SLC25A24: variants seen among roughly 807,000 people sequenced by gnomAD.
SLC25A24 encodes mitochondrial adenyl nucleotide antiporter SLC25A24.
In SLC25A24, 49 loss-of-function variants were observed where a neutral mutation model predicts 60.7. The observed-to-expected ratio is 0.81, with a 90% CI of 0.64 to 1.02. SLC25A24 has a LOEUF of 1.02. Among genes scored for constraint, SLC25A24 ranks in the 50% least tolerant of loss-of-function variants. SLC25A24 has a pLI of 0.00. For missense variants in SLC25A24, 564 were observed against 586.3 expected (o/e 0.96, Z 0.39); for synonymous variants, 202 against 200.6 (o/e 1.01, Z -0.06).
chr1:108,159,464 G>GTTTTTTTTTT (rs60246776), intron 4 of SLC25A24, among the ~76,000 whole-genome samples: 1 of 131,100 alleles, frequency 7.6e-6, no homozygotes. Flanking sequence ...GTCTTGGGTT[G>GTTTTTTTTTT]TTTTTTTTTT....
intron 3 of SLC25A24, among the ~76,000 whole-genome samples, chr1:108,168,602 C>T (rs556089554): frequency 1.3e-5 from 2 of 152,292 alleles, no homozygotes; most frequent in South Asian, 4.1e-4. Context: ...AATTACTAAA[C>T]GTGTTGAGCA....
At chr1:108,192,858 G>T in intron 1 of SLC25A24, 1 of 962,404 alleles carries the variant, frequency 1.0e-6, no homozygotes, top group Non-Finnish European at 1.3e-6. Context: ...GGACCTGCGT[G>T]GGACCGCACT....
At chr1:108,156,622 A>G (rs1030676784) in intron 5 of SLC25A24, among the ~76,000 whole-genome samples, 2 of 152,266 alleles carry the variant, frequency 1.3e-5, no homozygotes, top group Non-Finnish European at 2.9e-5. Context: ...CCATAAGTAT[A>G]ACAAAGTTTT....
In SLC25A24 at chr1:108,134,506, T is replaced by TC. The variant is rs978650398; in HGVS notation, c.*2146dup. On this transcript the variant is annotated 3_prime_UTR_variant, in exon 10 of 10. Coordinates refer to ENST00000565488, the MANE Select transcript of SLC25A24 (RefSeq NM_013386.5). ...GCCTGGCCAATCCTGAGGCTCTGGG[T>TC]CCCCCTTGGTACTGTGAACCCCAGG... 2 of 152,098 alleles carry TC rather than the reference T, an allele frequency of 1.3e-5. No individual in the cohort carries two copies. The highest frequency in any genetic ancestry group is 2.4e-5 in the African/African-American group (1 of 41,394). The allele number at this position is 152,098 out of a possible 1,614,324, so 9.4% of individuals were successfully genotyped here.
chr1:108,152,008 T>C (rs1679768958), intron 6 of SLC25A24, among the ~76,000 whole-genome samples: 1 of 152,218 alleles, frequency 6.6e-6, no homozygotes, highest in South Asian at 2.1e-4. Context: ...TCATCATTTC[T>C]TACCTCAATT....
chr1:108,139,714 C>T (rs1439311314), intron 8 of SLC25A24, among the ~76,000 whole-genome samples: 1 of 152,096 alleles, frequency 6.6e-6, no homozygotes, highest in Admixed American at 6.5e-5. Flanking sequence ...CAGGTTCAAA[C>T]GATTCTTCTG....
chr1:108,159,508 C>T (rs1412051657), intron 4 of SLC25A24, among the ~76,000 whole-genome samples: 1 of 130,632 alleles, frequency 7.7e-6, no homozygotes, highest in East Asian at 2.3e-4. Context: ...GGGTGTTTCT[C>T]GCAGAGGGGG....
intron 9 of SLC25A24, among the ~76,000 whole-genome samples, 187 bp downstream of exon 9, chr1:108,138,871 A>T (rs1190536374): frequency 6.6e-6 from 1 of 152,236 alleles, no homozygotes; most frequent in African/African-American, 2.4e-5. Context: ...TCGCATTAAA[A>T]TTTCATGACG....
chr1:108,161,319 G>A, intron 3 of SLC25A24, 26 bp from the exon 4 acceptor site: 1 of 1,153,362 alleles, frequency 8.7e-7, no homozygotes, highest in South Asian at 1.3e-5. Context: ...AATGATCAAA[G>A]TACAAAACTA....
In SLC25A24 at chr1:108,136,517, A is replaced by T. The variant is rs1679288151; in HGVS notation, c.*136T>A. ...TAATTTAGCCCAAAAGTTTGAAGTG[A>T]CCATTGTTACCATCTTCCCTTTTGT... On this transcript the variant is annotated 3_prime_UTR_variant, in exon 10 of 10. Transcript: ENST00000565488. The T allele has an allele frequency of 3.0e-6, 2 of 669,270 alleles. No individual in the cohort carries two copies. Among genetic ancestry groups the T allele is most frequent in the Non-Finnish European group, 5.1e-6 (2 of 393,494 alleles). 41.5% of individuals were successfully genotyped at this position (669,270 alleles called of 1,614,324 possible).
At position 108,192,656 on chromosome 1, in the gene SLC25A24, T is replaced by TG. The variant is rs1450994542; in HGVS notation, c.184-6703dup. 2 of 1,484,174 alleles carry TG rather than the reference T, an allele frequency of 1.3e-6. 1 individual carries two copies. The highest frequency in any genetic ancestry group is 3.5e-4 in the Middle Eastern group (2 of 5,778). 91.9% of individuals were successfully genotyped at this position (1,484,174 alleles called of 1,614,324 possible). ...CTCCCTCGCAGCTCCGCGGCCTGAG[T>TG]GAGCCCCAGCGGGGTGGAAGTGCGA... is the stretch of plus-strand genomic sequence containing the variant. On this transcript the variant is annotated intron_variant, in intron 1 of 9. Coordinates refer to ENST00000565488, the MANE Select transcript of SLC25A24 (RefSeq NM_013386.5).
chr1:108,171,272 T>C (rs144499060), intron 3 of SLC25A24, among the ~76,000 whole-genome samples: 48 of 151,992 alleles, frequency 3.2e-4, no homozygotes, highest in African/African-American at 1.1e-3. Context: ...GACCCCATCA[T>C]CCTAAATAAG....
chr1:108,158,366 G>A lies in SLC25A24; in HGVS notation c.511-746C>T, dbSNP rs189523914. Among the ~76,000 whole-genome samples the A allele has an allele frequency of 5.3e-5, 8 of 152,062 alleles. No individual in the cohort carries two copies. The East Asian group carries it at 9.7e-4, about 18-fold the overall frequency. Reference sequence around the variant, plus strand: ...AAATTTTTACAGGCAAGAGTGCAACGGGGAGGAGCTCTCCTATGGTAGTAA... The same window carrying A: ...AAATTTTTACAGGCAAGAGTGCAACAGGGAGGAGCTCTCCTATGGTAGTAA... On this transcript the variant is annotated intron_variant, in intron 4 of 9. Coordinates refer to ENST00000565488, the MANE Select transcript of SLC25A24 (RefSeq NM_013386.5).
rs55990865 is a variant in SLC25A24, at chr1:108,178,163, A to AAACAACAAC, written c.398+3769_398+3777dup. On this transcript the variant is annotated intron_variant, in intron 3 of 9. Transcript: ENST00000565488. Reference sequence around the variant, plus strand: ...GTGACAGAGTGAGACTCCGTCTCAAAAACAACAACAACAACAACAACAACA... The same window carrying AAACAACAAC: ...GTGACAGAGTGAGACTCCGTCTCAAAAACAACAACAACAACAACAACAACAACAACAACA... Among the ~76,000 whole-genome samples the AAACAACAAC allele has an allele frequency of 1.1e-4, 16 of 150,144 alleles. No individual in the cohort carries two copies. The East Asian group carries it at 2.8e-3, about 26-fold the overall frequency.
At chr1:108,176,915 A>T (rs1647692808) in intron 3 of SLC25A24, among the ~76,000 whole-genome samples, 1 of 152,242 alleles carries the variant, frequency 6.6e-6, no homozygotes, top group Non-Finnish European at 1.5e-5. Context: ...TGAGTAACAC[A>T]AAAACATCTG....
chr1:108,190,202 G>A (rs374652592), intron 1 of SLC25A24, among the ~76,000 whole-genome samples: 14 of 152,260 alleles, frequency 9.2e-5, no homozygotes, highest in African/African-American at 9.6e-5. Context: ...GGCTTCAGGC[G>A]TTTCCTGATT....
At position 108,199,964 on chromosome 1, in the gene SLC25A24, C is replaced by T. The variant is rs903088841; in HGVS notation, c.175G>A (p.Ala59Thr). 2.4e-5 allele frequency: 38 copies of T among 1,605,646 alleles called. No individual in the cohort carries two copies. Among genetic ancestry groups the T allele is most frequent in the Non-Finnish European group, 3.1e-5 (37 of 1,176,770 alleles). Residue 59 changes from alanine (A) to threonine (T), a missense_variant, in exon 1 of 10, where the codon GCC becomes ACC. By Grantham distance (58) the Ala-to-Thr change is moderately conservative (BLOSUM62 0). Transcript: ENST00000565488. The stretch of plus-strand genomic sequence containing the variant: ...CCCCGGCGGCGACCCACCTCCTCGG[C>T]GTCCTGGCCCAGAGGGATGCCCAGG... ...RNLGIPLGQD[A>T]EEKIFTTGDV...
Position 108,154,970 on chromosome 1 carries a change from T to C in SLC25A24, c.822+13A>G. 8.8e-6 allele frequency: 14 copies of C among 1,592,342 alleles called. No homozygotes were observed. The highest frequency in any genetic ancestry group is 1.2e-5 in the Non-Finnish European group (14 of 1,166,762). On this transcript the variant is annotated intron_variant, in intron 6 of 9. Coordinates refer to ENST00000565488, the MANE Select transcript of SLC25A24 (RefSeq NM_013386.5). Reference sequence around the variant, plus strand: ...CCTCTTTGTTAATAAATTCCACGGGTGATAACAATTACCTGTTCATATGCC... The same window carrying C: ...CCTCTTTGTTAATAAATTCCACGGGCGATAACAATTACCTGTTCATATGCC...
At chr1:108,150,932 G>A (rs960591007) in intron 6 of SLC25A24, among the ~76,000 whole-genome samples, 1 of 151,318 alleles carries the variant, frequency 6.6e-6, no homozygotes, top group African/African-American at 2.4e-5. Flanking sequence ...CAGGCACGGT[G>A]GCTCACTCCT....
Sources: allele counts gnomAD v4.1 joint callset (sites outside exome capture counted in the v4.1 genomes callset), GRCh38; gene constraint gnomAD v4.1.1; transcripts MANE v1.5; gene names NCBI Gene and HGNC (gene_info 2026-07-23, HGNC 2026-07-21).